The following NTM variants were observed in gnomAD, a reference collection of about 807,000 sequenced individuals.
NTM encodes the protein neurotrimin.
A neutral mutation model predicts 42.1 loss-of-function variants in NTM; 13 were observed. The ratio of observed to expected loss-of-function variants is 0.31; its 90% CI spans 0.20 to 0.49. The LOEUF is 0.49. Ranked by LOEUF, NTM falls within the 20% of genes least tolerant of loss-of-function variation. The pLI is 0.99. For missense variants in NTM, 373 were observed against 452.8 expected (o/e 0.82, Z 1.60); for synonymous variants, 187 against 179.2 (o/e 1.04, Z -0.35).
intron 2 of NTM, among the ~76,000 whole-genome samples, chr11:131,970,790 C>G (rs1390778288): frequency 6.6e-6 from 1 of 152,194 alleles, no homozygotes; most frequent in Non-Finnish European, 1.5e-5. Context: ...CATCATCATC[C>G]CTGACAAGGG....
At chr11:132,138,621 T>TCTATCTATCTATCTATCATCTAC (rs746734821) in intron 2 of NTM, among the ~76,000 whole-genome samples, 1 of 148,216 alleles carries the variant, frequency 6.7e-6, no homozygotes, top group Non-Finnish European at 1.5e-5. Context: ...TATCTATCTA[T>TCTATCTATCTATCTATCATCTAC]TCTAATCTAT....
chr11:131,772,769 TG>T (rs1453079341), intron 1 of NTM, among the ~76,000 whole-genome samples: 2 of 152,172 alleles, frequency 1.3e-5, no homozygotes, highest in East Asian at 3.9e-4. Flanking sequence ...GATGTTAAAT[TG>T]GTGATAATTT....
At chr11:131,987,918 T>C (rs1380267712) in intron 2 of NTM, among the ~76,000 whole-genome samples, 1 of 152,256 alleles carries the variant, frequency 6.6e-6, no homozygotes, top group East Asian at 1.9e-4. Context: ...TCATGCACAC[T>C]GTCTACCTGT....
intron 2 of NTM, among the ~76,000 whole-genome samples, chr11:132,007,728 A>T (rs2071133904): frequency 6.6e-6 from 1 of 152,168 alleles, no homozygotes; most frequent in Non-Finnish European, 1.5e-5. Flanking sequence ...ATCAGGTTTT[A>T]TGAGTTTGGG....
intron 2 of NTM, among the ~76,000 whole-genome samples, chr11:132,106,693 C>T (rs2062415525): frequency 6.6e-6 from 1 of 152,208 alleles, no homozygotes; most frequent in South Asian, 2.1e-4. Context: ...TCAGGCAGAA[C>T]TGAGTTTATT....
intron 2 of NTM, among the ~76,000 whole-genome samples, chr11:131,978,620 C>CG (rs375571872): frequency 4.9e-4 from 75 of 152,014 alleles, no homozygotes; most frequent in African/African-American, 1.7e-3. Context: ...CCGAGGCTCC[C>CG]GCAGCAGTAA....
intron 1 of NTM, among the ~76,000 whole-genome samples, chr11:131,791,076 C>T (rs989265669): frequency 6.6e-6 from 1 of 152,126 alleles, no homozygotes; most frequent in African/African-American, 2.4e-5. Flanking sequence ...TAGTGCGGTG[C>T]CTATGTGTAC....
At chr11:131,883,253 G>A (rs1028037767) in intron 1 of NTM, among the ~76,000 whole-genome samples, 1 of 152,138 alleles carries the variant, frequency 6.6e-6, no homozygotes, top group African/African-American at 2.4e-5. Context: ...GTCAAAACAC[G>A]AATATTTCAT....
intron 2 of NTM, among the ~76,000 whole-genome samples, chr11:131,963,294 G>T (rs1353889433): frequency 1.3e-5 from 2 of 152,218 alleles, no homozygotes; most frequent in Non-Finnish European, 2.9e-5. Context: ...GGTTGTGTTT[G>T]CATGACAGCT....
At chr11:131,500,842 G>C (rs1047053754) in intron 1 of NTM, among the ~76,000 whole-genome samples, 6 of 148,186 alleles carry the variant, frequency 4.0e-5, no homozygotes, top group Non-Finnish European at 7.4e-5. Context: ...TGCGGTGTTT[G>C]GTTTTTTGTC....
At chr11:132,178,695 T>C (rs2077154364) in intron 3 of NTM, among the ~76,000 whole-genome samples, 1 of 152,126 alleles carries the variant, frequency 6.6e-6, no homozygotes, top group Admixed American at 6.5e-5. Flanking sequence ...GTCTTAAAAA[T>C]TGGGGATGGG....
intron 1 of NTM, among the ~76,000 whole-genome samples, chr11:131,654,513 G>A (rs1388493117): frequency 6.6e-6 from 1 of 152,088 alleles, no homozygotes; most frequent in Non-Finnish European, 1.5e-5. Flanking sequence ...CAATAGCAGT[G>A]TCATCACCCA....
At chr11:131,970,246 T>C (rs546199792) in intron 2 of NTM, among the ~76,000 whole-genome samples, 3 of 152,316 alleles carry the variant, frequency 2.0e-5, no homozygotes, top group Non-Finnish European at 2.9e-5. Context: ...ATGGCTCCAA[T>C]TTTTCTATGT....
intron 1 of NTM, among the ~76,000 whole-genome samples, chr11:131,602,020 A>G (rs1022858769): frequency 3.3e-5 from 5 of 152,202 alleles, no homozygotes; most frequent in African/African-American, 4.8e-5. Context: ...TTTTACTAGT[A>G]AAAATTATGA....
intron 1 of NTM, among the ~76,000 whole-genome samples, chr11:131,576,315 C>G (rs1010419295): frequency 6.6e-6 from 1 of 152,202 alleles, no homozygotes; most frequent in Admixed American, 6.5e-5. Context: ...GAGGGCTCTT[C>G]TTTCAAAAGA....
chr11:132,107,464 C>A (rs544859457), intron 2 of NTM, among the ~76,000 whole-genome samples: 1 of 150,114 alleles, frequency 6.7e-6, no homozygotes, highest in Non-Finnish European at 1.5e-5. Context: ...GATCCTCCCT[C>A]CTCAGCCTCC....
chr11:131,490,196 C>T (rs79839735), intron 1 of NTM, among the ~76,000 whole-genome samples: 192 of 152,296 alleles, frequency 1.3e-3, no homozygotes, highest in Middle Eastern at 6.8e-3. Flanking sequence ...TCCTACCAGG[C>T]CCCACTTCTA....
At chr11:132,086,377 C>T (rs1018707179) in intron 2 of NTM, among the ~76,000 whole-genome samples, 9 of 150,028 alleles carry the variant, frequency 6.0e-5, no homozygotes, top group Middle Eastern at 3.6e-3. Flanking sequence ...GTAATTCAGT[C>T]GATTGAGGAA....
At chr11:131,989,377 G>T (rs2066617224) in intron 2 of NTM, among the ~76,000 whole-genome samples, 1 of 152,140 alleles carries the variant, frequency 6.6e-6, no homozygotes, top group African/African-American at 2.4e-5. Flanking sequence ...GTTTAATCAT[G>T]TTTGACTTAC....
Sources: gnomAD v4.1 joint callset for allele counts (sites outside exome capture counted in the v4.1 genomes callset) on GRCh38, gnomAD v4.1.1 for gene constraint, MANE v1.5 for transcripts, NCBI Gene and HGNC (gene_info 2026-07-23, HGNC 2026-07-21) for gene names.